The following PTCHD1 variants were observed in gnomAD, a reference collection of about 807,000 sequenced individuals.
PTCHD1 encodes patched domain containing 1, also known as patched domain-containing protein 1.
Under a neutral mutation model 34.6 loss-of-function variants are expected in PTCHD1, and 3 were observed. The ratio of observed to expected loss-of-function variants is 0.09; its 90% CI spans 0.04 to 0.22. The LOEUF (loss-of-function observed/expected upper bound fraction) is 0.22. Ranked by LOEUF, PTCHD1 falls within the 10% of genes least tolerant of loss-of-function variation. The pLI, the probability that PTCHD1 is intolerant of heterozygous loss-of-function variation, is 1.00. For synonymous variants in PTCHD1, 305 were observed against 283.1 expected, an observed-to-expected ratio of 1.08 and a Z score of -0.77; for missense variants, 504 against 685.5, an observed-to-expected ratio of 0.74 and a Z score of 2.96.
intron 1 of PTCHD1, among the ~76,000 whole-genome samples, chrX:23,345,580 T>A (rs1431542111): frequency 8.9e-6 from 1 of 111,944 alleles, no homozygotes; most frequent in Non-Finnish European, 1.9e-5. Flanking sequence ...CGAAACAGAT[T>A]GTGGTCTCCA....
chrX:23,334,798 C>G (rs1305725163), upstream of PTCHD1: 2 of 544,719 alleles, frequency 3.7e-6, no homozygotes, highest in Non-Finnish European at 4.5e-6. Flanking sequence ...GCCGCCGCCG[C>G]CGCCGCCGCC....
chrX:23,362,089 C>G (rs902257348), intron 1 of PTCHD1, among the ~76,000 whole-genome samples: 5 of 112,074 alleles, frequency 4.5e-5, no homozygotes, highest in African/African-American at 1.6e-4. Flanking sequence ...AACATTTTTT[C>G]CTTCATTTCA....
intron 1 of PTCHD1, among the ~76,000 whole-genome samples, chrX:23,336,422 A>G (rs1020610479): frequency 9.0e-6 from 1 of 111,034 alleles, no homozygotes; most frequent in African/African-American, 3.3e-5. Flanking sequence ...GGCTGGTTAG[A>G]TTTCTAGTCT....
intron 2 of PTCHD1, among the ~76,000 whole-genome samples, chrX:23,382,925 G>A (rs758854626): frequency 1.5e-4 from 17 of 112,085 alleles, no homozygotes; most frequent in African/African-American, 4.5e-4. Flanking sequence ...TAGGATGGTC[G>A]CCCTCCTGTA....
intron 2 of PTCHD1, among the ~76,000 whole-genome samples, chrX:23,383,447 ACATGTGTCAAG>A (rs1922611712): frequency 8.9e-6 from 1 of 111,903 alleles, no homozygotes; most frequent in South Asian, 3.7e-4. Context: ...TTTTAAGATC[ACATGTGTCAAG>A]CAGTATTAAC....
intron 2 of PTCHD1, among the ~76,000 whole-genome samples, chrX:23,390,345 AC>A (rs1207909474): frequency 2.2e-3 from 244 of 109,048 alleles, no homozygotes; most frequent in Middle Eastern, 9.5e-3. Flanking sequence ...AAAAAAAAAA[AC>A]AAAAAAAACA....
intron 1 of PTCHD1, among the ~76,000 whole-genome samples, chrX:23,368,784 CGG>C (rs1475814305): frequency 9.0e-6 from 1 of 111,670 alleles, no homozygotes; most frequent in East Asian, 2.8e-4. Context: ...CATACATGGC[CGG>C]GTGCGGTGGC....
chrX:23,391,602 G>T (rs1331905017), intron 2 of PTCHD1, among the ~76,000 whole-genome samples: 2 of 111,337 alleles, frequency 1.8e-5, no homozygotes, highest in African/African-American at 3.3e-5. Flanking sequence ...AGACTCAAAT[G>T]AAATACACTG....
At chrX:23,347,556 T>C (rs992180345) in intron 1 of PTCHD1, among the ~76,000 whole-genome samples, 2 of 112,554 alleles carry the variant, frequency 1.8e-5, no homozygotes, top group Non-Finnish European at 3.7e-5. Context: ...AGTCCTGTTA[T>C]CTTAGTTCCT....
chrX:23,359,680 A>G (rs1376362614), intron 1 of PTCHD1, among the ~76,000 whole-genome samples: 1 of 111,935 alleles, frequency 8.9e-6, no homozygotes, highest in Non-Finnish European at 1.9e-5. Context: ...AACTTCCAAC[A>G]CTATGTTGAA....
chrX:23,346,477 G>C (rs1280879361), intron 1 of PTCHD1, among the ~76,000 whole-genome samples: 1 of 111,906 alleles, frequency 8.9e-6, no homozygotes, highest in Non-Finnish European at 1.9e-5. Flanking sequence ...CAATCCGACA[G>C]GATTCTTGCT....
chrX:23,350,943 T>C (rs1386657758), intron 1 of PTCHD1: 2 of 190,204 alleles, frequency 1.1e-5, no homozygotes, highest in Non-Finnish European at 1.9e-5. Context: ...GAAGAAACCA[T>C]GCTCAGGCCT....
rs1028934605 is a variant in PTCHD1 at position 23,400,558 on chromosome X, A to T, written c.*6373A>T. The stretch of plus-strand genomic sequence containing the variant: ...TGACTCCAAGTCAGAAGCTAGATAA[A>T]ATAGAGGTTGCTGGGGGAAGTTGGA... On this transcript the variant is annotated 3_prime_UTR_variant, in exon 3 of 3. Coordinates refer to ENST00000379361, the MANE Select transcript of PTCHD1 (RefSeq NM_173495.3). 8.9e-6 allele frequency: 1 copy of T among 112,772 alleles called. No homozygotes were observed. Among genetic ancestry groups the T allele is most frequent in the African/African-American group, 3.2e-5 (1 of 31,085 alleles). The allele number at this position is 112,772 out of a possible 1,213,427, so 9.3% of individuals were successfully genotyped here.
chrX:23,350,345 G>A (rs1921595809), intron 1 of PTCHD1, among the ~76,000 whole-genome samples: 1 of 111,348 alleles, frequency 9.0e-6, no homozygotes, highest in Non-Finnish European at 1.9e-5. Context: ...CCAAAGATTG[G>A]GAGATAGAAT....
chrX:23,366,467 T>C (rs12559982), intron 1 of PTCHD1, among the ~76,000 whole-genome samples: 26,360 of 111,047 alleles, frequency 0.24, 2,298 homozygotes, highest in Admixed American at 0.28. Context: ...CCATTTCCCC[T>C]GACATCCTTT....
At chrX:23,373,033 C>G in intron 1 of PTCHD1, among the ~76,000 whole-genome samples, 1 of 112,525 alleles carries the variant, frequency 8.9e-6, no homozygotes, top group Non-Finnish European at 1.9e-5. Flanking sequence ...CTGTGGTTCA[C>G]TGTACTGACT....
chrX:23,351,335 C>G (rs1921628381), intron 1 of PTCHD1: 1 of 852,098 alleles, frequency 1.2e-6, no homozygotes, highest in Admixed American at 2.3e-5. Context: ...TTTGCTGTCT[C>G]TCAGGCCCAG....
upstream of PTCHD1, chrX:23,334,430 C>T (rs1315901108): frequency 1.8e-5 from 2 of 109,892 alleles, no homozygotes; most frequent in African/African-American, 3.3e-5. Flanking sequence ...CGCCGCTCCC[C>T]GCGCCACCCC....
intron 1 of PTCHD1, among the ~76,000 whole-genome samples, chrX:23,358,454 G>A (rs12006913): frequency 0.2 from 21,967 of 110,957 alleles, 2,054 homozygotes; most frequent in East Asian, 0.52. Context: ...TCTTTTGAGA[G>A]GTGTCTGTTC....
Sources: gnomAD v4.1 joint callset for allele counts (sites outside exome capture counted in the v4.1 genomes callset) on GRCh38, gnomAD v4.1.1 for gene constraint, MANE v1.5 for transcripts, NCBI Gene and HGNC (gene_info 2026-07-23, HGNC 2026-07-21) for gene names.